ZNF714: variants seen among roughly 807,000 people sequenced by gnomAD.
ZNF714 encodes the protein zinc finger protein 714.
Under a neutral mutation model 46.2 loss-of-function variants are expected in ZNF714, and 32 were observed. The ratio of observed to expected loss-of-function variants is 0.69; its 90% confidence interval spans 0.52 to 0.93. ZNF714 has a LOEUF of 0.93. Ranked by LOEUF, ZNF714 falls within the 40% of genes least tolerant of loss-of-function variation. The pLI is 0.00. For synonymous variants in ZNF714, 199 were observed against 213.1 expected (o/e 0.93, Z 0.58); for missense variants, 635 against 646.3 (o/e 0.98, Z 0.19).
chr19:21,118,562 T>G lies in ZNF714; in HGVS notation c.*230T>G. ...CTCGAACCTTTTTAAGAAAATAATT[T>G]ATACTGGAGAGAAATTCTACAAATG... On this transcript the variant is annotated 3_prime_UTR_variant, in exon 5 of 5. Transcript: ENST00000456283. 4.3e-6 allele frequency: 1 copy of G among 233,702 alleles called. No homozygotes were observed. Among genetic ancestry groups the G allele is most frequent in the Non-Finnish European group, 8.8e-6 (1 of 113,716 alleles). The allele number at this position is 233,702 out of a possible 1,614,324, so 14.5% of individuals were successfully genotyped here. A position where few individuals can be genotyped will look rare whatever the true frequency, so the allele number is the denominator to read the frequency against.
At chr19:21,114,886 T>C (rs1969554973) in intron 4 of ZNF714, among the ~76,000 whole-genome samples, 1 of 152,186 alleles carries the variant, frequency 6.6e-6, no homozygotes, top group Non-Finnish European at 1.5e-5. Flanking sequence ...TGAAAAGAAT[T>C]TTATTTTTCT....
At position 21,120,199 on chromosome 19, in the gene ZNF714, G is replaced by A. The variant is rs1376789338; in HGVS notation, c.*1867G>A. The stretch of plus-strand genomic sequence containing the variant: ...TGGGATTACAGGCGCATATCACCAC[G>A]CCCAGCTAATTTTTATGTTTCTAGT... On this transcript the variant is annotated 3_prime_UTR_variant, in exon 5 of 5. Transcript: ENST00000456283. 2 of 152,008 alleles carry A rather than the reference G, an allele frequency of 1.3e-5. No homozygotes were observed. Among genetic ancestry groups the A allele is most frequent in the Admixed American group, 6.6e-5 (1 of 15,248 alleles). The allele number at this position is 152,008 out of a possible 1,614,324, so 9.4% of individuals were successfully genotyped here. A position where few individuals can be genotyped will look rare whatever the true frequency, so the allele number is the denominator to read the frequency against.
chr19:21,110,465 G>GT (rs1969426455), intron 4 of ZNF714, among the ~76,000 whole-genome samples: 1 of 152,032 alleles, frequency 6.6e-6, no homozygotes, highest in South Asian at 2.1e-4. Context: ...TTGTAAATTT[G>GT]TTTAAGTTCT....
Position 21,117,123 on chromosome 19 carries a change from A to G in ZNF714, c.459A>G (p.Ser153=), listed in dbSNP as rs1304016303. The change falls in exon 5 of 5, where the codon TCA becomes TCG. Residue 153 remains serine (S), a synonymous_variant. Transcript: ENST00000456283. ...TCAAATGTAAAAAATGTGATGAATCATTTTGCATGCTTTTACACCTACATC... is the reference window on the plus strand; with the variant it reads ...TCAAATGTAAAAAATGTGATGAATCGTTTTGCATGCTTTTACACCTACATC... The part of the protein sequence containing the change: ...KPFKCKKCDE[S]FCMLLHLHQH... 1.9e-6 allele frequency: 3 copies of G among 1,613,762 alleles called. No homozygotes were observed. Among genetic ancestry groups the G allele is most frequent in the Non-Finnish European group, 8.5e-7 (1 of 1,179,814 alleles).
intron 2 of ZNF714, chr19:21,091,762 C>T (rs1665542687): frequency 6.6e-6 from 1 of 151,674 alleles, no homozygotes; most frequent in Non-Finnish European, 1.5e-5. Flanking sequence ...AACATAACTA[C>T]AGTGTTTTGC....
intron 4 of ZNF714, among the ~76,000 whole-genome samples, chr19:21,105,407 A>G (rs960098571): frequency 1.3e-5 from 2 of 152,108 alleles, no homozygotes; most frequent in South Asian, 4.1e-4. Context: ...AACTACTTTC[A>G]CTTGTGAGTT....
chr19:21,124,567 A>G lies in ZNF714; in HGVS notation c.*6235A>G, dbSNP rs1013000162. On this transcript the variant is annotated 3_prime_UTR_variant, in exon 5 of 5. Transcript: ENST00000456283. ...TATTTTGAAGTATATATACATTGTT[A>G]TTATTTCTAGGTAATTAATACCTCA... Among the ~76,000 whole-genome samples, 2 of 152,144 alleles carry G rather than the reference A, an allele frequency of 1.3e-5. No homozygotes were observed. Among genetic ancestry groups the G allele is most frequent in the Non-Finnish European group, 1.5e-5 (1 of 68,014 alleles).
chr19:21,105,135 C>T (rs1325771935), intron 4 of ZNF714, among the ~76,000 whole-genome samples: 1 of 150,546 alleles, frequency 6.6e-6, no homozygotes, highest in African/African-American at 2.4e-5. Flanking sequence ...AGTGATTCTC[C>T]TGCCTCAGCC....
At chr19:21,099,990 G>A (rs769243055) in intron 4 of ZNF714, among the ~76,000 whole-genome samples, 23 of 151,928 alleles carry the variant, frequency 1.5e-4, no homozygotes, top group Non-Finnish European at 3.4e-4. Flanking sequence ...CTAATAGCTG[G>A]GATTACAGGC....
Position 21,082,210 on chromosome 19 carries a change from G to A in ZNF714, c.-315G>A. The A allele has an allele frequency of 2.2e-6, 2 of 911,490 alleles. No individual in the cohort carries two copies. The highest frequency in any genetic ancestry group is 3.2e-6 in the Non-Finnish European group (2 of 617,200). 56.5% of individuals were successfully genotyped at this position (911,490 alleles called of 1,614,324 possible). On this transcript the variant is annotated 5_prime_UTR_variant, in exon 1 of 5. Coordinates refer to ENST00000456283, the MANE Select transcript of ZNF714 (RefSeq NM_182515.4). ...GGATGTGGCGGGGCCTTTGTCTCTC[G>A]CTGCAGCTGGAGCTGCAGGTCTCGC...
intron 2 of ZNF714, among the ~76,000 whole-genome samples, chr19:21,094,567 C>T (rs528978772): frequency 3.3e-5 from 5 of 152,308 alleles, no homozygotes; most frequent in Non-Finnish European, 7.3e-5. Context: ...CACTCTGTCA[C>T]CCAGGCTGGA....
At chr19:21,099,228 G>C (rs900532339) in intron 4 of ZNF714, among the ~76,000 whole-genome samples, 2 of 152,042 alleles carry the variant, frequency 1.3e-5, no homozygotes, top group African/African-American at 4.8e-5. Context: ...GCCCAGGCTG[G>C]ATTGCAGTAG....
chr19:21,102,385 T>C (rs1290312883), intron 4 of ZNF714, among the ~76,000 whole-genome samples: 3 of 152,196 alleles, frequency 2.0e-5, no homozygotes, highest in Admixed American at 6.5e-5. Flanking sequence ...AAAGGAATTA[T>C]AGGATTTTCA....
intron 4 of ZNF714, among the ~76,000 whole-genome samples, chr19:21,112,012 T>C (rs369349622): frequency 2.6e-4 from 39 of 152,344 alleles, no homozygotes; most frequent in African/African-American, 7.7e-4. Context: ...TTTGTATTAA[T>C]GTTTATCAGG....
chr19:21,098,846 C>A lies in ZNF714; in HGVS notation c.78C>A (p.Thr26=), dbSNP rs758824424. Residue 26 remains threonine, a synonymous_variant, in exon 4 of 5, where the codon ACC becomes ACA. Transcript: ENST00000456283. The part of the protein sequence containing the change: ...GIAVSKQDPI[T]SLEQEKEPWN... Reference sequence around the variant, plus strand: ...CTGTCTCTAAGCAAGACCCGATCACCAGTCTAGAGCAAGAAAAAGAGCCCT... The same window carrying A: ...CTGTCTCTAAGCAAGACCCGATCACAAGTCTAGAGCAAGAAAAAGAGCCCT... 8 of 1,610,288 alleles carry A rather than the reference C, an allele frequency of 5.0e-6. No individual in the cohort carries two copies. The highest frequency in any genetic ancestry group is 6.8e-6 in the Non-Finnish European group (8 of 1,178,454).
intron 4 of ZNF714, among the ~76,000 whole-genome samples, chr19:21,110,508 GGATA>G (rs1209085224): frequency 6.6e-6 from 1 of 152,126 alleles, no homozygotes; most frequent in East Asian, 1.9e-4. Context: ...TTTGTCAGAT[GGATA>G]GATTGCAAAA....
chr19:21,090,604 T>C (rs1968886272), intron 2 of ZNF714, among the ~76,000 whole-genome samples: 1 of 152,152 alleles, frequency 6.6e-6, no homozygotes, highest in African/African-American at 2.4e-5. Flanking sequence ...TGATTTTCCT[T>C]TGGGTCAGAG....
At chr19:21,091,442 A>G (rs1228957879) in intron 2 of ZNF714, 4 of 152,162 alleles carry the variant, frequency 2.6e-5, no homozygotes, top group African/African-American at 9.7e-5. Flanking sequence ...AATGCAGCCC[A>G]GTGGGTCTCA....
intron 4 of ZNF714, among the ~76,000 whole-genome samples, chr19:21,104,143 T>C (rs1969255998): frequency 1.3e-5 from 2 of 152,212 alleles, no homozygotes; most frequent in African/African-American, 2.4e-5. Context: ...TTATTTCCCA[T>C]GACATAATAT....
Sources: allele counts gnomAD v4.1 joint callset (sites outside exome capture counted in the v4.1 genomes callset), GRCh38; gene constraint gnomAD v4.1.1; transcripts MANE v1.5; gene names NCBI Gene and HGNC (gene_info 2026-07-23, HGNC 2026-07-21).